THSD7A: variants seen among roughly 807,000 people sequenced by gnomAD.
THSD7A encodes thrombospondin type 1 domain containing 7A.
A neutral mutation model predicts 231.3 loss-of-function variants in THSD7A; 96 were observed. The ratio of observed to expected loss-of-function variants is 0.41; its 90% CI spans 0.35 to 0.49. THSD7A has a LOEUF of 0.49. Among genes scored for constraint, THSD7A ranks in the 20% least tolerant of loss-of-function variants. The pLI is 0.05. For synonymous variants in THSD7A, 940 were observed against 743.3 expected (o/e 1.26, Z -4.30); for missense variants, 2,290 against 2,070.2 (o/e 1.11, Z -2.06).
intron 9 of THSD7A, among the ~76,000 whole-genome samples, chr7:11,462,936 T>A (rs901425839): frequency 2.0e-5 from 3 of 152,168 alleles, no homozygotes. Context: ...TTGCCAACTT[T>A]AATAAAATAT....
At chr7:11,608,866 C>G (rs899180349) in intron 2 of THSD7A, among the ~76,000 whole-genome samples, 1 of 152,134 alleles carries the variant, frequency 6.6e-6, no homozygotes, top group African/African-American at 2.4e-5. Context: ...CTCAAAATGT[C>G]TTGCTGCACA....
intron 6 of THSD7A, among the ~76,000 whole-genome samples, chr7:11,531,575 A>C (rs1054686359): frequency 5.9e-5 from 9 of 152,162 alleles, no homozygotes; most frequent in African/African-American, 2.2e-4. Context: ...TTCTGCCCTA[A>C]ATGTTCTCTT....
At chr7:11,730,667 G>A (rs1194397054) in intron 1 of THSD7A, among the ~76,000 whole-genome samples, 3 of 151,498 alleles carry the variant, frequency 2.0e-5, no homozygotes, top group Non-Finnish European at 3.0e-5. Flanking sequence ...TATACTGATT[G>A]GCAGCCATAA....
intron 1 of THSD7A, among the ~76,000 whole-genome samples, chr7:11,661,650 A>G (rs1192018349): frequency 6.6e-6 from 1 of 151,276 alleles, no homozygotes; most frequent in African/African-American, 2.4e-5. Flanking sequence ...CAAAGATTGA[A>G]AAAAAGAACA....
Position 11,412,700 on chromosome 7 carries a change from C to G in THSD7A, c.3638G>C (p.Cys1213Ser). The part of the protein sequence containing the change: ...SCPNAVEKEP[C>S]NLNKNCYHYD... ...GTGGTAGCAGTTTTTGTTCAGGTTA[C>G]AGGGTTCTTTCTCAACAGCATTAGG... The change falls in exon 18 of 28, where the codon TGT becomes TCT. Residue 1213 changes from cysteine (C) to serine (S), a missense_variant. By Grantham distance (112) the Cys-to-Ser change is moderately radical. Coordinates refer to ENST00000423059, the MANE Select transcript of THSD7A (RefSeq NM_015204.3). The G allele has an allele frequency of 6.2e-7, 1 of 1,613,800 alleles. No homozygotes were observed. Among genetic ancestry groups the G allele is most frequent in the Non-Finnish European group, 8.5e-7 (1 of 1,179,808 alleles).
At chr7:11,762,297 T>C (rs1288001813) in intron 1 of THSD7A, among the ~76,000 whole-genome samples, 1 of 152,154 alleles carries the variant, frequency 6.6e-6, no homozygotes, top group Admixed American at 6.6e-5. Flanking sequence ...TATTGTTAGT[T>C]ATTTGAGACA....
intron 4 of THSD7A, among the ~76,000 whole-genome samples, chr7:11,574,789 G>C (rs1377366449): frequency 6.6e-6 from 1 of 152,096 alleles, no homozygotes; most frequent in Non-Finnish European, 1.5e-5. Context: ...TTAAATATGA[G>C]TAACCTTAAT....
Position 11,375,874 on chromosome 7 carries a change from T to C in THSD7A, c.4894A>G (p.Lys1632Glu). ...TGCCTTCTTTGGGGTTTCTTTGGCT[T>C]TTTGCTGTAAAAAAATTCGGAATTA... ...IVSMIYLACK[K>E]PKKPQRRQNN... is the part of the protein sequence containing the mutation. Residue 1632 changes from lysine (K) to glutamate (E), a missense_variant, in exon 28 of 28, where the codon AAG becomes GAG. Transcript: ENST00000423059. The C allele has an allele frequency of 6.2e-7, 1 of 1,612,526 alleles. No homozygotes were observed.
chr7:11,455,602 T>C (rs1025621931), intron 11 of THSD7A, among the ~76,000 whole-genome samples: 3 of 152,086 alleles, frequency 2.0e-5, no homozygotes, highest in African/African-American at 7.2e-5. Flanking sequence ...ATATAAATTT[T>C]CTTTTAAAGT....
intron 1 of THSD7A, among the ~76,000 whole-genome samples, chr7:11,776,230 G>A (rs1421132878): frequency 6.6e-6 from 1 of 152,136 alleles, no homozygotes; most frequent in Non-Finnish European, 1.5e-5. Flanking sequence ...TAGGACATAT[G>A]TTTCATTTTC....
At chr7:11,679,547 C>T (rs776342534) in intron 1 of THSD7A, among the ~76,000 whole-genome samples, 1 of 151,986 alleles carries the variant, frequency 6.6e-6, no homozygotes, top group Non-Finnish European at 1.5e-5. Context: ...CAGCCCTATA[C>T]ACTAATAATA....
chr7:11,700,481 C>A (rs1473743751), intron 1 of THSD7A, among the ~76,000 whole-genome samples: 4 of 150,924 alleles, frequency 2.7e-5, no homozygotes, highest in Non-Finnish European at 4.5e-5. Context: ...CTCATATGAA[C>A]AATTAATAAA....
At chr7:11,629,771 G>A (rs1465969820) in intron 2 of THSD7A, among the ~76,000 whole-genome samples, 1 of 152,176 alleles carries the variant, frequency 6.6e-6, no homozygotes, top group Non-Finnish European at 1.5e-5. Flanking sequence ...TGTAGGCCAT[G>A]TTGAAAATTA....
At chr7:11,493,908 G>A (rs1434106884) in intron 6 of THSD7A, among the ~76,000 whole-genome samples, 4 of 151,842 alleles carry the variant, frequency 2.6e-5, no homozygotes, top group Admixed American at 2.6e-4. Flanking sequence ...CGAGTGTTAG[G>A]AGGACCATTT....
At chr7:11,435,907 T>G (rs1391843115) in intron 13 of THSD7A, among the ~76,000 whole-genome samples, 1 of 152,018 alleles carries the variant, frequency 6.6e-6, no homozygotes, top group Non-Finnish European at 1.5e-5. Flanking sequence ...TACTGGGCCC[T>G]TAACCTGTGA....
chr7:11,829,854 A>T (rs975860835), intron 1 of THSD7A, among the ~76,000 whole-genome samples: 1 of 145,934 alleles, frequency 6.9e-6, no homozygotes, highest in Non-Finnish European at 1.5e-5. Context: ...TGAATGAACT[A>T]TTTTTTTTTT....
chr7:11,413,329 C>G (rs1360963695), intron 17 of THSD7A, among the ~76,000 whole-genome samples: 1 of 151,720 alleles, frequency 6.6e-6, no homozygotes, highest in Non-Finnish European at 1.5e-5. Flanking sequence ...CTGCAACTGA[C>G]CAAATGGACC....
intron 2 of THSD7A, among the ~76,000 whole-genome samples, chr7:11,597,617 A>G (rs1280670215): frequency 2.0e-5 from 3 of 152,130 alleles, no homozygotes; most frequent in African/African-American, 7.2e-5. Context: ...TCTGCAGATA[A>G]CTACTCTCCT....
At chr7:11,470,494 T>G (rs1427426446) in intron 8 of THSD7A, among the ~76,000 whole-genome samples, 3 of 151,864 alleles carry the variant, frequency 2.0e-5, no homozygotes, top group African/African-American at 7.2e-5. Context: ...ACACAGTACA[T>G]GCTCAAAACA....
Sources: allele counts gnomAD v4.1 joint callset (sites outside exome capture counted in the v4.1 genomes callset), GRCh38; gene constraint gnomAD v4.1.1; transcripts MANE v1.5; gene names NCBI Gene and HGNC (gene_info 2026-07-23, HGNC 2026-07-21).